The following KLK5 variants were observed in gnomAD, a reference collection of about 807,000 sequenced individuals.
KLK5 encodes kallikrein-5.
A neutral mutation model predicts 24.0 loss-of-function variants in KLK5; 18 were observed. The observed-to-expected ratio is 0.75, with a 90% CI of 0.52 to 1.11. The LOEUF (loss-of-function observed/expected upper bound fraction) is 1.11, where lower values mean the gene tolerates loss of function less well. KLK5 is among the 50% of genes most tolerant of loss of function. The pLI is 0.00. For synonymous variants in KLK5, 140 were observed against 154.0 expected (o/e 0.91, Z 0.67); for missense variants, 374 against 379.2 (o/e 0.99, Z 0.11).
chr19:50,943,825 G>A, intron 5 of KLK5, 39 bp from the exon 6 acceptor site: 4 of 1,562,468 alleles, frequency 2.6e-6, no homozygotes, highest in South Asian at 1.1e-5. Context: ...AGGCAGAGAT[G>A]TGGCAAAGTG....
intron 5 of KLK5, among the ~76,000 whole-genome samples, chr19:50,945,180 C>T (rs1318205225): frequency 1.3e-5 from 2 of 151,534 alleles, no homozygotes; most frequent in African/African-American, 4.8e-5. Context: ...GCAGTCATGG[C>T]TTACCGCAGC....
At chr19:50,950,264 C>T (rs1474119828) in intron 2 of KLK5, 148 bp from the exon 3 acceptor site, 1 of 717,010 alleles carries the variant, frequency 1.4e-6, no homozygotes, top group Non-Finnish European at 2.3e-6. Context: ...AGAGTGGCAC[C>T]TCTCAAGCCC....
intron 2 of KLK5, among the ~76,000 whole-genome samples, chr19:50,952,294 C>T (rs1216172849): frequency 6.7e-6 from 1 of 150,248 alleles, no homozygotes; most frequent in African/African-American, 2.5e-5. Context: ...GAGCCACACA[C>T]AATCTTAAAT....
At chr19:50,950,830 T>G (rs2090680574) in intron 2 of KLK5, among the ~76,000 whole-genome samples, 1 of 138,822 alleles carries the variant, frequency 7.2e-6, no homozygotes, top group South Asian at 2.3e-4. Flanking sequence ...AGGCAGAGGT[T>G]GCAGTGAGCC....
chr19:50,948,534 G>A, intron 5 of KLK5, 106 bp downstream of exon 5: 2 of 1,105,212 alleles, frequency 1.8e-6, no homozygotes, highest in South Asian at 2.8e-5. Context: ...GAGAACAGGG[G>A]TCCTGACTGT....
chr19:50,945,631 G>GA lies in KLK5; in HGVS notation c.727-1846dup, dbSNP rs57848074. ...AACATGGTGGAACCCCATCTCTACG[G>GA]AAAAAAAAAAATAGCCAGGCATGGT... On this transcript the variant is annotated intron_variant, in intron 5 of 5. Transcript: ENST00000336334. Among the ~76,000 whole-genome samples the GA allele has an allele frequency of 6.9e-3, 1,001 of 144,106 alleles. 4 individuals are homozygous for GA. Among genetic ancestry groups the GA allele is most frequent in the Middle Eastern group, 0.021 (6 of 280 alleles). 94.5% of individuals were successfully genotyped at this position (144,106 alleles called of 152,430 possible). A position where few individuals can be genotyped will look rare whatever the true frequency, so the allele number is the denominator to read the frequency against.
Position 50,947,415 on chromosome 19 carries a change from C to T in KLK5, c.726+1225G>A, listed in dbSNP as rs1434761236. Among the ~76,000 whole-genome samples the T allele has an allele frequency of 6.6e-6, 1 of 152,174 alleles. No individual in the cohort carries two copies. Among genetic ancestry groups the T allele is most frequent in the Non-Finnish European group, 1.5e-5 (1 of 68,028 alleles). On this transcript the variant is annotated intron_variant, in intron 5 of 5. Coordinates refer to ENST00000336334, the MANE Select transcript of KLK5 (RefSeq NM_012427.5). This position sits in a 1 kb window ranked among gnomAD's most constrained non-coding sequence, Gnocchi z 8.7. ...TTAGCTTCTTTGTGTCATCCATTCT[C>T]TGCTCAAATGCCACCTCTCCAAGGA...
intron 2 of KLK5, among the ~76,000 whole-genome samples, chr19:50,952,175 G>A (rs550732962): frequency 2.0e-5 from 1 of 49,304 alleles, no homozygotes; most frequent in South Asian, 6.9e-4. Flanking sequence ...GGGACCTCAG[G>A]GACAGGAACT....
chr19:50,952,429 T>C (rs1161682390), intron 2 of KLK5, among the ~76,000 whole-genome samples, 156 bp downstream of exon 2: 3 of 152,044 alleles, frequency 2.0e-5, no homozygotes, highest in Non-Finnish European at 1.5e-5. Flanking sequence ...CAGGGCCACA[T>C]ACGATCGCAC....
In KLK5 at chr19:50,948,513, A is replaced by G. The variant is rs1321813842; in HGVS notation, c.726+127T>C. ...CTACTAAACACCACTACTCTAGGGTATGAGCTCTGTGAGAACAGGGGTCCT... is the reference window on the plus strand; with the variant it reads ...CTACTAAACACCACTACTCTAGGGTGTGAGCTCTGTGAGAACAGGGGTCCT... On this transcript the variant is annotated intron_variant, in intron 5 of 5. Transcript: ENST00000336334. The G allele has an allele frequency of 3.5e-6, 3 of 859,468 alleles. No homozygotes were observed. In the African/African-American group the frequency reaches 5.0e-5, roughly 14 times the overall value. 53.2% of individuals were successfully genotyped at this position (859,468 alleles called of 1,614,324 possible). A position where few individuals can be genotyped will look rare whatever the true frequency, so the allele number is the denominator to read the frequency against.
chr19:50,943,562 G>C lies in KLK5; in HGVS notation c.*69C>G. ...TCAACATCTCTGGGAAGGAATGAGG[G>C]TCTGAAAGGAGTGTCAGGGCTGTCC... On this transcript the variant is annotated 3_prime_UTR_variant, in exon 6 of 6. Transcript: ENST00000336334. The C allele has an allele frequency of 7.3e-7, 1 of 1,375,886 alleles. No individual in the cohort carries two copies. Among genetic ancestry groups the C allele is most frequent in the African/African-American group, 1.4e-5 (1 of 70,364 alleles). 85.2% of individuals were successfully genotyped at this position (1,375,886 alleles called of 1,614,324 possible). A position where few individuals can be genotyped will look rare whatever the true frequency, so the allele number is the denominator to read the frequency against.
At chr19:50,945,792 A>AAAAGAAAAG (rs2090627212) in intron 5 of KLK5, among the ~76,000 whole-genome samples, 1 of 149,216 alleles carries the variant, frequency 6.7e-6, no homozygotes, top group African/African-American at 2.5e-5. Flanking sequence ...CTCCGTCTCA[A>AAAAGAAAAG]AAAAGAAAAG....
intron 5 of KLK5, among the ~76,000 whole-genome samples, chr19:50,946,987 C>T (rs201330261): frequency 6.6e-6 from 1 of 152,054 alleles, no homozygotes; most frequent in East Asian, 1.9e-4. Context: ...TTGGGGGGAG[C>T]TTTTCATAGC....
At position 50,952,833 on chromosome 19, in the gene KLK5, A is replaced by T. The variant is rs2090699940; in HGVS notation, c.-98T>A. 2.1e-6 allele frequency: 1 copy of T among 471,212 alleles called. No individual in the cohort carries two copies. Among genetic ancestry groups the T allele is most frequent in the South Asian group, 3.9e-5 (1 of 25,916 alleles). 29.2% of individuals were successfully genotyped at this position (471,212 alleles called of 1,614,324 possible). A position where few individuals can be genotyped will look rare whatever the true frequency, so the allele number is the denominator to read the frequency against. On this transcript the variant is annotated 5_prime_UTR_variant, in exon 1 of 6. Coordinates refer to ENST00000336334, the MANE Select transcript of KLK5 (RefSeq NM_012427.5). ...CCAGGCACTATAGAATTCAGAAGAT[A>T]GGAGTCTAGCAGCCTCCAGACAGGG... is the stretch of plus-strand genomic sequence containing the variant.
In KLK5 at chr19:50,949,976, C is replaced by T. The variant is rs373080885; in HGVS notation, c.214G>A (p.Asp72Asn). The T allele has an allele frequency of 3.3e-5, 53 of 1,613,642 alleles. No individual in the cohort carries two copies. The highest frequency in any genetic ancestry group is 3.2e-4 in the Admixed American group (19 of 59,950). Residue 72 changes from aspartate to asparagine, a missense_variant, in exon 3 of 6, where the codon GAC becomes AAC. Transcript: ENST00000336334. ...DSSSRIINGSDCDMHTQPWQA... is the reference protein window; with the variant it reads ...DSSSRIINGSNCDMHTQPWQA... ...CACGGCTGGGTGTGCATATCGCAGT[C>T]GGATCCATTGATGATGCGGCTGCTG...
At chr19:50,944,197 G>A (rs1379525573) in intron 5 of KLK5, among the ~76,000 whole-genome samples, 1 of 151,900 alleles carries the variant, frequency 6.6e-6, no homozygotes, top group Non-Finnish European at 1.5e-5. Context: ...TGTAGAGACG[G>A]GGTTTCACCA....
chr19:50,944,529 T>C (rs1281098425), intron 5 of KLK5, among the ~76,000 whole-genome samples: 2 of 152,158 alleles, frequency 1.3e-5, no homozygotes. Context: ...TTATTTCTCT[T>C]ACTGGACACA....
Position 50,943,470 on chromosome 19 carries a change from C to T in KLK5, c.*161G>A, listed in dbSNP as rs2090605786. 1 of 655,374 alleles carries T rather than the reference C, an allele frequency of 1.5e-6. No individual in the cohort carries two copies. Among genetic ancestry groups the T allele is most frequent in the Non-Finnish European group, 2.6e-6 (1 of 382,462 alleles). The allele number at this position is 655,374 out of a possible 1,614,324, so 40.6% of individuals were successfully genotyped here. ...GTTCAACTAGAGAGACACGGTCAGC[C>T]CAATGTGGGGGAAGCAGACCCTGAG... On this transcript the variant is annotated 3_prime_UTR_variant, in exon 6 of 6. Coordinates refer to ENST00000336334, the MANE Select transcript of KLK5 (RefSeq NM_012427.5).
Position 50,952,750 on chromosome 19 carries a change from A to T in KLK5, c.-15T>A. 1.2e-6 allele frequency: 1 copy of T among 840,744 alleles called. No individual in the cohort carries two copies. Among genetic ancestry groups the T allele is most frequent in the East Asian group, 3.0e-5 (1 of 33,684 alleles). 52.1% of individuals were successfully genotyped at this position (840,744 alleles called of 1,614,324 possible). A position where few individuals can be genotyped will look rare whatever the true frequency, so the allele number is the denominator to read the frequency against. On this transcript the variant is annotated 5_prime_UTR_variant, in exon 1 of 6. Transcript: ENST00000336334. ...CCACTTCCCCTCCCTCCCCTACCTT[A>T]TTTCCCCAGGTAGAGAGGAACCACA...
Sources: allele counts gnomAD v4.1 joint callset (sites outside exome capture counted in the v4.1 genomes callset), GRCh38; gene constraint gnomAD v4.1.1; non-coding constraint Gnocchi (gnomAD v3.1); transcripts MANE v1.5; gene names NCBI Gene and HGNC (gene_info 2026-07-23, HGNC 2026-07-21).